Variants in ABCA13 observed in about 807,000 individuals in gnomAD.
ABCA13 encodes ATP-binding cassette sub-family A member 13.
A neutral mutation model predicts 478.7 loss-of-function variants in ABCA13; 476 were observed. The ratio of observed to expected loss-of-function variants is 0.99; its 90% CI spans 0.92 to 1.07. The LOEUF is 1.07. Ranked by LOEUF, ABCA13 falls within the 50% of genes least tolerant of loss-of-function variation. ABCA13 has a pLI of 0.00. For missense variants in ABCA13, 6,060 were observed against 5,910.6 expected, an observed-to-expected ratio of 1.03 and a Z score of -0.83; for synonymous variants, 2,252 against 2,158.9, an observed-to-expected ratio of 1.04 and a Z score of -1.20.
chr7:48,225,151 T>G (rs1389632130), intron 5 of ABCA13, among the ~76,000 whole-genome samples: 107 of 128,776 alleles, frequency 8.3e-4, no homozygotes, highest in East Asian at 2.0e-3. Context: ...CTTCCTTCCT[T>G]CCTTCCTTCC....
intron 55 of ABCA13, among the ~76,000 whole-genome samples, chr7:48,528,828 C>T (rs193027805): frequency 3.3e-5 from 5 of 152,196 alleles, no homozygotes; most frequent in East Asian, 1.9e-4. Context: ...ACCAAGAAAG[C>T]GGCCTCTAGG....
chr7:48,251,725 T>G (rs1450250712), intron 15 of ABCA13, among the ~76,000 whole-genome samples: 2 of 152,052 alleles, frequency 1.3e-5, no homozygotes, highest in Non-Finnish European at 2.9e-5. Context: ...TCTAGTAAAT[T>G]TAGTGTGATT....
chr7:48,200,992 G>T (rs1798612329), intron 3 of ABCA13, among the ~76,000 whole-genome samples: 1 of 152,178 alleles, frequency 6.6e-6, no homozygotes, highest in African/African-American at 2.4e-5. Context: ...AATAGAAAGA[G>T]AATAAGAGTT....
chr7:48,533,946 AT>A, intron 55 of ABCA13, among the ~76,000 whole-genome samples: 1 of 151,896 alleles, frequency 6.6e-6, no homozygotes, highest in East Asian at 1.9e-4. Context: ...ATTCTTCTCT[AT>A]TCTGCCATTC....
At chr7:48,535,685 G>C (rs1833520479) in intron 55 of ABCA13, among the ~76,000 whole-genome samples, 2 of 152,110 alleles carry the variant, frequency 1.3e-5, no homozygotes, top group South Asian at 4.1e-4. Context: ...GGCTTGCTGT[G>C]GTGGCAGTGG....
chr7:48,357,176 A>AAAATC (rs1810067037), intron 31 of ABCA13, among the ~76,000 whole-genome samples: 1 of 151,984 alleles, frequency 6.6e-6, no homozygotes, highest in Non-Finnish European at 1.5e-5. Context: ...TGCTTAAAAA[A>AAAATC]AAATCAGCTT....
At chr7:48,394,924 G>T (rs1230864489) in intron 38 of ABCA13, among the ~76,000 whole-genome samples, 2 of 152,108 alleles carry the variant, frequency 1.3e-5, no homozygotes, top group African/African-American at 4.8e-5. Flanking sequence ...GGTGCAGGGG[G>T]TCAGCTGCCC....
At chr7:48,343,721 T>G (rs1461059138) in intron 29 of ABCA13, among the ~76,000 whole-genome samples, 1 of 152,130 alleles carries the variant, frequency 6.6e-6, no homozygotes, top group East Asian at 1.9e-4. Context: ...ACCCAATGTG[T>G]AGACTTTTTT....
rs193091840 is a variant in ABCA13 at position 48,465,120 on chromosome 7, G to A, written c.12816-1836G>A. Among the ~76,000 whole-genome samples the A allele has an allele frequency of 1.4e-3, 217 of 152,286 alleles. 3 individuals are homozygous for A. Among genetic ancestry groups the A allele is most frequent in the Middle Eastern group, 3.4e-3 (1 of 294 alleles). ...TGCCGTGCTCAGGAAGAAATGGTGAGCAACAGGCCCTAGGATTGTGGAGGG... is the reference window on the plus strand; with the variant it reads ...TGCCGTGCTCAGGAAGAAATGGTGAACAACAGGCCCTAGGATTGTGGAGGG... On this transcript the variant is annotated intron_variant, in intron 43 of 61. Coordinates refer to ENST00000435803, the MANE Select transcript of ABCA13 (RefSeq NM_152701.5).
chr7:48,583,629 A>C (rs1788910556), intron 56 of ABCA13, among the ~76,000 whole-genome samples: 1 of 152,202 alleles, frequency 6.6e-6, no homozygotes, highest in South Asian at 2.1e-4. Flanking sequence ...TCCCAAAACA[A>C]ATGCATCCCA....
intron 42 of ABCA13, among the ~76,000 whole-genome samples, chr7:48,446,410 C>A (rs978423579): frequency 4.8e-5 from 7 of 146,220 alleles, no homozygotes; most frequent in African/African-American, 1.8e-4. Context: ...AAAAAAGAAA[C>A]CTTATTCCCT....
intron 60 of ABCA13, among the ~76,000 whole-genome samples, chr7:48,643,803 C>A (rs62447357): frequency 0.23 from 35,463 of 152,160 alleles, 4,917 homozygotes; most frequent in Middle Eastern, 0.36. Context: ...AGATCACAAT[C>A]CTCTATAAAC....
intron 3 of ABCA13, among the ~76,000 whole-genome samples, chr7:48,202,020 G>T (rs999529241): frequency 5.3e-5 from 8 of 152,138 alleles, no homozygotes; most frequent in Non-Finnish European, 1.0e-4. Flanking sequence ...CTCCCGGTGG[G>T]CTCGTGGTCT....
chr7:48,262,407 T>C (rs1240344870), intron 15 of ABCA13, among the ~76,000 whole-genome samples: 1 of 151,914 alleles, frequency 6.6e-6, no homozygotes. Context: ...CAGATGCTTA[T>C]ACCTCTAAGT....
intron 2 of ABCA13, among the ~76,000 whole-genome samples, chr7:48,194,463 G>A (rs1297811359): frequency 6.6e-6 from 1 of 152,084 alleles, no homozygotes; most frequent in African/African-American, 2.4e-5. Flanking sequence ...TATCAGTTGT[G>A]ATGGTGATGC....
chr7:48,210,354 T>C (rs947176713), intron 3 of ABCA13, among the ~76,000 whole-genome samples: 6 of 152,102 alleles, frequency 3.9e-5, no homozygotes, highest in African/African-American at 1.4e-4. Flanking sequence ...CCACAACACA[T>C]AGGGATTACA....
chr7:48,539,953 T>C (rs185238209), intron 55 of ABCA13, among the ~76,000 whole-genome samples: 6 of 152,288 alleles, frequency 3.9e-5, no homozygotes, highest in Non-Finnish European at 7.4e-5. Flanking sequence ...TCTATGTCAA[T>C]AGGTGAAAAC....
chr7:48,455,262 A>C lies in ABCA13; in HGVS notation c.12791A>C (p.Gln4264Pro). 6.2e-7 allele frequency: 1 copy of C among 1,606,330 alleles called. No homozygotes were observed. Among genetic ancestry groups the C allele is most frequent in the Non-Finnish European group, 8.5e-7 (1 of 1,176,608 alleles). ...CTCAGACTCACACCTGGACATTACC[A>C]GCGGGCCGAGACCTACTTTTTCAGG... is the stretch of plus-strand genomic sequence containing the variant. ...PPLRLTPGHY[Q>P]RAETYFFSSG... The change falls in exon 43 of 62, where the codon CAG becomes CCG. Residue 4264 changes from glutamine (Q) to proline (P), a missense_variant. Gln to Pro is a moderately conservative substitution (Grantham distance 76). Around this residue, in one of 3 missense-constraint regions of ABCA13, gnomAD observed 1,627 missense variants for 1,571.0 expected, o/e 1.04. Transcript: ENST00000435803.
At chr7:48,245,747 T>C in intron 12 of ABCA13, 116 bp from the exon 13 acceptor site, 2 of 1,441,386 alleles carry the variant, frequency 1.4e-6, no homozygotes, top group South Asian at 1.4e-5. Context: ...TTCAAAACTT[T>C]ATGTTGTGTT....
Sources: allele counts gnomAD v4.1 joint callset (sites outside exome capture counted in the v4.1 genomes callset), GRCh38; gene constraint gnomAD v4.1.1; regional missense constraint gnomAD v4.1.1; transcripts MANE v1.5; gene names NCBI Gene and HGNC (gene_info 2026-07-23, HGNC 2026-07-21).